Variants in ANO3 observed in about 807,000 individuals in gnomAD.
ANO3 encodes anoctamin-3.
ANO3 carries 99 observed loss-of-function variants against 144.8 expected under a neutral mutation model. The ratio of observed to expected loss-of-function variants is 0.68; its 90% CI spans 0.58 to 0.81. The LOEUF (loss-of-function observed/expected upper bound fraction) is 0.81. ANO3 is among the 30% of genes least tolerant of loss of function. The pLI is 0.00. For synonymous variants in ANO3, 414 were observed against 392.6 expected (o/e 1.05, Z -0.64); for missense variants, 905 against 1,202.2 (o/e 0.75, Z 3.66).
intron 1 of ANO3, among the ~76,000 whole-genome samples, chr11:26,338,508 G>C (rs1001762310): frequency 1.3e-5 from 2 of 152,176 alleles, no homozygotes; most frequent in African/African-American, 2.4e-5. Flanking sequence ...GGGAACAAAA[G>C]CTGGCCACCC....
At chr11:26,521,031 G>T (rs1056621813) in intron 6 of ANO3, among the ~76,000 whole-genome samples, 27 of 27,192 alleles carry the variant, frequency 9.9e-4, no homozygotes, top group South Asian at 9.4e-3. Flanking sequence ...TTTAAATAAT[G>T]GATGTAACAT....
intron 14 of ANO3, among the ~76,000 whole-genome samples, chr11:26,589,929 G>T (rs61878565): frequency 0.031 from 4,678 of 152,254 alleles, 103 homozygotes; most frequent in Non-Finnish European, 0.049. Context: ...CTACTGATCT[G>T]ATTTTCCCCC....
chr11:26,598,408 G>T lies in ANO3; in HGVS notation c.1491G>T (p.Leu497=), dbSNP rs776129793. 2.5e-6 allele frequency: 4 copies of T among 1,593,218 alleles called. No homozygotes were observed. Among genetic ancestry groups the T allele is most frequent in the Non-Finnish European group, 3.4e-6 (4 of 1,171,048 alleles). ...TTTGGAAAAGGAGAAGGAGTATACT[G>T]ACCTATACTTGGGACCTTATCGAAT... The part of the protein sequence containing the change: ...LEFWKRRRSI[L]TYTWDLIEWE... The change falls in exon 15 of 27, where the codon CTG becomes CTT. Residue 497 remains leucine (L), a synonymous_variant. Transcript: ENST00000256737.
chr11:26,339,416 A>C (rs1054711425), intron 1 of ANO3, among the ~76,000 whole-genome samples: 1 of 152,178 alleles, frequency 6.6e-6, no homozygotes, highest in Non-Finnish European at 1.5e-5. Flanking sequence ...GGCTTCCCAA[A>C]GTGCTGGGAA....
At chr11:26,190,882 G>C (rs191045622) in intron 1 of ANO3, among the ~76,000 whole-genome samples, 1 of 152,082 alleles carries the variant, frequency 6.6e-6, no homozygotes, top group Non-Finnish European at 1.5e-5. Context: ...CCTCCTTTTT[G>C]CTTCCATATT....
intron 26 of ANO3, among the ~76,000 whole-genome samples, chr11:26,658,096 G>A (rs933059756): frequency 2.1e-5 from 2 of 96,382 alleles, no homozygotes; most frequent in Non-Finnish European, 5.0e-5. Flanking sequence ...TGGTTTCATA[G>A]TTTCAGGACT....
chr11:26,359,088 C>G (rs1855858301), intron 1 of ANO3, among the ~76,000 whole-genome samples: 1 of 152,132 alleles, frequency 6.6e-6, no homozygotes, highest in Non-Finnish European at 1.5e-5. Flanking sequence ...TCAAATTTTT[C>G]TGGTGCTTTG....
intron 1 of ANO3, among the ~76,000 whole-genome samples, chr11:26,217,325 T>C (rs947475091): frequency 6.6e-6 from 1 of 151,900 alleles, no homozygotes; most frequent in African/African-American, 2.4e-5. Context: ...TTTAAAATCA[T>C]CCCCCCCATC....
chr11:26,209,955 A>G (rs570877681), intron 1 of ANO3, among the ~76,000 whole-genome samples: 2 of 151,994 alleles, frequency 1.3e-5, no homozygotes, highest in African/African-American at 4.8e-5. Flanking sequence ...CACTCATGGT[A>G]GTTTCTTTTG....
chr11:26,354,946 A>C (rs981998397), intron 1 of ANO3, among the ~76,000 whole-genome samples: 3 of 151,904 alleles, frequency 2.0e-5, no homozygotes, highest in Non-Finnish European at 4.4e-5. Flanking sequence ...TTTAGTGTTC[A>C]AAAGCAATTT....
intron 24 of ANO3, among the ~76,000 whole-genome samples, chr11:26,653,263 C>A (rs1853587212): frequency 6.6e-6 from 1 of 152,200 alleles, no homozygotes; most frequent in South Asian, 2.1e-4. Context: ...TCCTGCTTAA[C>A]CTTCAGTCTT....
intron 1 of ANO3, among the ~76,000 whole-genome samples, chr11:26,425,868 T>C (rs1036618141): frequency 6.6e-6 from 1 of 152,076 alleles, no homozygotes; most frequent in African/African-American, 2.4e-5. Context: ...AAATGGATGG[T>C]GTTTTAGGAG....
At chr11:26,504,178 G>A (rs1437517589) in intron 4 of ANO3, among the ~76,000 whole-genome samples, 4 of 152,192 alleles carry the variant, frequency 2.6e-5, no homozygotes, top group Non-Finnish European at 5.9e-5. Context: ...ACTAATTGCG[G>A]TGCTACTATA....
intron 1 of ANO3, among the ~76,000 whole-genome samples, chr11:26,217,539 C>A (rs1852058546): frequency 6.6e-6 from 1 of 151,982 alleles, no homozygotes; most frequent in Non-Finnish European, 1.5e-5. Flanking sequence ...ATATTCTGAT[C>A]TTAGACATGT....
chr11:26,516,128 T>C (rs999810771), intron 5 of ANO3, among the ~76,000 whole-genome samples: 1 of 151,790 alleles, frequency 6.6e-6, no homozygotes, highest in Non-Finnish European at 1.5e-5. Context: ...ATGCAAATAA[T>C]CCTGCAATTT....
intron 4 of ANO3, among the ~76,000 whole-genome samples, chr11:26,478,188 A>G (rs1203939411): frequency 6.6e-6 from 1 of 152,126 alleles, no homozygotes; most frequent in Admixed American, 6.6e-5. Context: ...GGGCCAGCAG[A>G]TCTATTCTAT....
chr11:26,218,790 T>A (rs1435199238), intron 1 of ANO3, among the ~76,000 whole-genome samples: 2 of 152,134 alleles, frequency 1.3e-5, no homozygotes, highest in Non-Finnish European at 2.9e-5. Context: ...CTGTAGCCCA[T>A]AACATGGCAC....
At chr11:26,499,918 G>A (rs1265422956) in intron 4 of ANO3, among the ~76,000 whole-genome samples, 1 of 151,758 alleles carries the variant, frequency 6.6e-6, no homozygotes, top group Non-Finnish European at 1.5e-5. Flanking sequence ...AAAACATTTT[G>A]ATTCCCTAGA....
intron 1 of ANO3, among the ~76,000 whole-genome samples, chr11:26,234,106 T>TA (rs1454922405): frequency 2.0e-5 from 3 of 152,064 alleles, no homozygotes; most frequent in Non-Finnish European, 4.4e-5. Context: ...GAACTTAAAA[T>TA]AAAAAACAAA....
Sources: allele counts gnomAD v4.1 joint callset (sites outside exome capture counted in the v4.1 genomes callset), GRCh38; gene constraint gnomAD v4.1.1; transcripts MANE v1.5; gene names NCBI Gene and HGNC (gene_info 2026-07-23, HGNC 2026-07-21).